SSH2: variants seen among roughly 807,000 people sequenced by gnomAD.
The protein encoded by SSH2 is slingshot protein phosphatase 2.
Under a neutral mutation model 135.2 loss-of-function variants are expected in SSH2, and 37 were observed. The ratio of observed to expected loss-of-function variants is 0.27; its 90% CI spans 0.21 to 0.36. SSH2 has a LOEUF of 0.36. Ranked by LOEUF, SSH2 falls within the 10% of genes least tolerant of loss-of-function variation. The pLI, the probability that SSH2 is intolerant of heterozygous loss-of-function variation, is 1.00. For missense variants in SSH2, 1,408 were observed against 1,765.3 expected (o/e 0.80, Z 3.63); for synonymous variants, 628 against 646.2 (o/e 0.97, Z 0.43).
chr17:29,853,079 T>C (rs1197513916), intron 1 of SSH2, among the ~76,000 whole-genome samples: 1 of 146,762 alleles, frequency 6.8e-6, no homozygotes, highest in Non-Finnish European at 1.5e-5. Flanking sequence ...CTTAATTCAC[T>C]GCAGAGATTT....
At chr17:29,760,777 A>G (rs1032979717) in intron 3 of SSH2, among the ~76,000 whole-genome samples, 3 of 151,466 alleles carry the variant, frequency 2.0e-5, no homozygotes, top group African/African-American at 7.3e-5. Flanking sequence ...CAGGACCCAC[A>G]GGGACTCCCG....
chr17:29,702,112 G>T (rs1438236599), intron 4 of SSH2, among the ~76,000 whole-genome samples: 1 of 151,820 alleles, frequency 6.6e-6, no homozygotes, highest in East Asian at 1.9e-4. Context: ...TAGCACTTTG[G>T]ATAACTGAGG....
Position 29,918,739 on chromosome 17 carries a change from C to T in SSH2, c.63+11199G>A, listed in dbSNP as rs188096943. Among the ~76,000 whole-genome samples, 26 of 152,314 alleles carry T rather than the reference C, an allele frequency of 1.7e-4. No homozygotes were observed. In the South Asian group the frequency reaches 2.5e-3, roughly 15 times the overall value. On this transcript the variant is annotated intron_variant, in intron 1 of 15. Coordinates refer to ENST00000540801, the MANE Select transcript of SSH2 (RefSeq NM_001282129.2). ...ATCACTTGAGGTCAGGAGTTCAAGA[C>T]CAGCTTGGCCAACATGGCGAAACCC...
intron 6 of SSH2, 54 bp downstream of exon 6, chr17:29,684,509 T>G: frequency 1.5e-6 from 2 of 1,365,156 alleles, no homozygotes; most frequent in Non-Finnish European, 2.0e-6. Flanking sequence ...AAAAAGCAAC[T>G]GGAACAGGTT....
At chr17:29,776,779 C>G (rs1038901996) in intron 3 of SSH2, 6 of 152,192 alleles carry the variant, frequency 3.9e-5, no homozygotes, top group Non-Finnish European at 8.8e-5. Flanking sequence ...GGCTTCAGCT[C>G]CCTCTTGCAG....
rs142200001 is a variant in SSH2, at chr17:29,892,035, C to T, written c.63+37903G>A. On this transcript the variant is annotated intron_variant, in intron 1 of 15. Coordinates refer to ENST00000540801, the MANE Select transcript of SSH2 (RefSeq NM_001282129.2). ...TAAAATGCACAAATGAAGTAATAGC[C>T]GACTTTCTTTTTTTTTTCTTTCTTT... Among the ~76,000 whole-genome samples, 295 of 151,616 alleles carry T rather than the reference C, an allele frequency of 1.9e-3. 1 individual carries two copies. Among genetic ancestry groups the T allele is most frequent in the Admixed American group, 2.6e-3 (40 of 15,224 alleles).
At chr17:29,737,118 A>G (rs2040399798) in intron 3 of SSH2, among the ~76,000 whole-genome samples, 1 of 148,464 alleles carries the variant, frequency 6.7e-6, no homozygotes, top group Non-Finnish European at 1.5e-5. Context: ...AAAAAAAAAA[A>G]AAAAAAAGGC....
intron 14 of SSH2, among the ~76,000 whole-genome samples, chr17:29,638,269 T>C (rs1468781591): frequency 6.8e-6 from 1 of 148,020 alleles, no homozygotes; most frequent in African/African-American, 2.5e-5. Flanking sequence ...TCTACAGAAA[T>C]CTTCTGTGGT....
chr17:29,703,431 TAG>T (rs981638875), intron 3 of SSH2, among the ~76,000 whole-genome samples: 2 of 151,670 alleles, frequency 1.3e-5, no homozygotes, highest in African/African-American at 4.8e-5. Context: ...TGAATATTAG[TAG>T]AGAGTGTTTC....
intron 1 of SSH2, among the ~76,000 whole-genome samples, chr17:29,872,294 C>T (rs949571029): frequency 1.3e-5 from 2 of 152,118 alleles, no homozygotes; most frequent in Non-Finnish European, 2.9e-5. Flanking sequence ...AGTATAACAT[C>T]AACATGAACT....
intron 3 of SSH2, among the ~76,000 whole-genome samples, chr17:29,772,108 G>T (rs1022840682): frequency 1.0e-4 from 15 of 150,024 alleles, no homozygotes; most frequent in East Asian, 5.9e-4. Flanking sequence ...AAAAGATGTG[G>T]TTTTTTTTTT....
chr17:29,917,825 A>T (rs2066910390), intron 1 of SSH2, among the ~76,000 whole-genome samples: 1 of 152,074 alleles, frequency 6.6e-6, no homozygotes, highest in South Asian at 2.1e-4. Context: ...ACTGCACTCC[A>T]GCCTGGGCGA....
chr17:29,684,426 G>A (rs1460019180), intron 6 of SSH2, 137 bp downstream of exon 6: 15 of 758,152 alleles, frequency 2.0e-5, no homozygotes, highest in Admixed American at 5.5e-5. Flanking sequence ...GCAGTGAGCC[G>A]AGATTGAGCC....
At chr17:29,816,046 G>C (rs1247469068) in intron 2 of SSH2, among the ~76,000 whole-genome samples, 1 of 151,884 alleles carries the variant, frequency 6.6e-6, no homozygotes, top group Non-Finnish European at 1.5e-5. Flanking sequence ...ACAGGGTTTT[G>C]CCATGTTGGC....
chr17:29,806,069 A>G (rs1473763151), intron 2 of SSH2, among the ~76,000 whole-genome samples: 1 of 152,202 alleles, frequency 6.6e-6, no homozygotes, highest in Non-Finnish European at 1.5e-5. Flanking sequence ...CCATTAAGTT[A>G]TTAGTCATAT....
intron 8 of SSH2, chr17:29,674,193 C>A (rs1289604091): frequency 8.8e-6 from 4 of 454,936 alleles, no homozygotes; most frequent in Non-Finnish European, 1.8e-5. Flanking sequence ...CAAATTTAAA[C>A]CAATTTAATC....
At chr17:29,900,103 C>T (rs1049016716) in intron 1 of SSH2, among the ~76,000 whole-genome samples, 2 of 152,132 alleles carry the variant, frequency 1.3e-5, no homozygotes, top group African/African-American at 4.8e-5. Context: ...AACTGGATCC[C>T]TTCCTTACAC....
intron 1 of SSH2, among the ~76,000 whole-genome samples, chr17:29,891,089 C>T (rs2066341432): frequency 6.6e-6 from 1 of 152,186 alleles, no homozygotes; most frequent in Non-Finnish European, 1.5e-5. Flanking sequence ...CTGTGAGAAG[C>T]ACCTGAACAT....
At chr17:29,825,119 A>G (rs188961287) in intron 2 of SSH2, among the ~76,000 whole-genome samples, 1 of 152,160 alleles carries the variant, frequency 6.6e-6, no homozygotes, top group Non-Finnish European at 1.5e-5. Context: ...TGAACCAACA[A>G]ATCTTTATTT....
Sources: gnomAD v4.1 joint callset for allele counts (sites outside exome capture counted in the v4.1 genomes callset) on GRCh38, gnomAD v4.1.1 for gene constraint, MANE v1.5 for transcripts, NCBI Gene and HGNC (gene_info 2026-07-23, HGNC 2026-07-21) for gene names.